Variants in DNM3 observed in about 807,000 individuals in gnomAD.
The protein encoded by DNM3 is dynamin-3.
In DNM3, 47 loss-of-function variants were observed where a neutral mutation model predicts 101.6. The ratio of observed to expected loss-of-function variants is 0.46; its 90% CI spans 0.37 to 0.59. DNM3 has a LOEUF of 0.59. DNM3 is among the 20% of genes least tolerant of loss of function. The pLI, the probability that DNM3 is intolerant of heterozygous loss-of-function variation, is 0.00. For missense variants in DNM3, 849 were observed against 1,085.7 expected (o/e 0.78, Z 3.06); for synonymous variants, 385 against 387.9 (o/e 0.99, Z 0.09).
chr1:172,384,969 GAAATATTCCT>G (rs1383278213), intron 18 of DNM3, among the ~76,000 whole-genome samples: 6 of 152,202 alleles, frequency 3.9e-5, no homozygotes, highest in Non-Finnish European at 7.3e-5. Context: ...GGAAGGGAAT[GAAATATTCCT>G]AAAGCCAAAT....
At chr1:172,272,076 A>G (rs2063109665) in intron 15 of DNM3, among the ~76,000 whole-genome samples, 1 of 152,232 alleles carries the variant, frequency 6.6e-6, no homozygotes, top group South Asian at 2.1e-4. Context: ...AAGTTTTAGT[A>G]ACGATAGATT....
chr1:171,886,649 G>T (rs990755470), intron 1 of DNM3, among the ~76,000 whole-genome samples: 1 of 152,150 alleles, frequency 6.6e-6, no homozygotes, highest in Non-Finnish European at 1.5e-5. Context: ...ATAGAAGAGT[G>T]AGAATCAAAG....
intron 13 of DNM3, among the ~76,000 whole-genome samples, chr1:172,094,657 G>A (rs925118908): frequency 6.6e-6 from 1 of 152,180 alleles, no homozygotes; most frequent in Non-Finnish European, 1.5e-5. Context: ...TACCAGATAT[G>A]TGCCCTGTAA....
At chr1:172,133,520 C>G in intron 14 of DNM3, 1 of 794,428 alleles carries the variant, frequency 1.3e-6, no homozygotes, top group Non-Finnish European at 1.5e-6. Flanking sequence ...TGAAGAAATT[C>G]TAGGAAAGGG....
intron 15 of DNM3, among the ~76,000 whole-genome samples, chr1:172,291,085 A>G (rs534157750): frequency 2.0e-5 from 3 of 152,322 alleles, no homozygotes; most frequent in East Asian, 3.9e-4. Flanking sequence ...AAAGCGCTGT[A>G]TCTATAGAGT....
At chr1:171,997,453 G>A (rs1320338534) in intron 4 of DNM3, among the ~76,000 whole-genome samples, 1 of 152,128 alleles carries the variant, frequency 6.6e-6, no homozygotes, top group Non-Finnish European at 1.5e-5. Flanking sequence ...GCTGCTCATG[G>A]ATTTAGAGTA....
chr1:172,000,287 A>G (rs910141911), intron 4 of DNM3, among the ~76,000 whole-genome samples: 5 of 152,098 alleles, frequency 3.3e-5, no homozygotes, highest in African/African-American at 1.2e-4. Flanking sequence ...GGCCATGCCA[A>G]ATGTGGCTGA....
At chr1:172,242,208 G>A (rs372467717) in intron 14 of DNM3, among the ~76,000 whole-genome samples, 1 of 152,176 alleles carries the variant, frequency 6.6e-6, no homozygotes, top group African/African-American at 2.4e-5. Context: ...CCATCTGGCT[G>A]CTGGCGTTCT....
chr1:171,969,119 G>A (rs2125537761), intron 2 of DNM3, among the ~76,000 whole-genome samples: 1 of 152,284 alleles, frequency 6.6e-6, no homozygotes, highest in East Asian at 1.9e-4. Context: ...TGTGGGGAGA[G>A]AAAGGAGGTG....
intron 14 of DNM3, among the ~76,000 whole-genome samples, chr1:172,164,915 A>T (rs1256242829): frequency 2.0e-5 from 3 of 152,118 alleles, no homozygotes; most frequent in African/African-American, 7.2e-5. Flanking sequence ...TCTTCTAGTC[A>T]TTTGTTTCAA....
intron 1 of DNM3, among the ~76,000 whole-genome samples, chr1:171,874,232 T>C (rs1379283218): frequency 6.6e-6 from 1 of 152,180 alleles, no homozygotes; most frequent in Non-Finnish European, 1.5e-5. Flanking sequence ...TATGCATATA[T>C]GTATATGCAT....
At chr1:172,291,449 G>A (rs1378678900) in intron 15 of DNM3, among the ~76,000 whole-genome samples, 1 of 152,168 alleles carries the variant, frequency 6.6e-6, no homozygotes, top group East Asian at 1.9e-4. Flanking sequence ...TGAAGGTTTG[G>A]CCTTCCATTA....
In DNM3 at chr1:172,387,057, C is replaced by T. The variant is rs2069224799; in HGVS notation, c.2059-76C>T. On this transcript the variant is annotated intron_variant, in intron 18 of 20. Coordinates refer to ENST00000627582, the MANE Select transcript of DNM3 (RefSeq NM_015569.5). Reference sequence around the variant, plus strand: ...TTGGTGGACTTTGTCCAGACTCTGACTGCCACAGCCATGTTTCTACCTCCA... The same window carrying T: ...TTGGTGGACTTTGTCCAGACTCTGATTGCCACAGCCATGTTTCTACCTCCA... 8 of 1,264,028 alleles carry T rather than the reference C, an allele frequency of 6.3e-6. No individual in the cohort carries two copies. In the Admixed American group the frequency reaches 1.3e-4, roughly 20 times the overall value. 78.3% of individuals were successfully genotyped at this position (1,264,028 alleles called of 1,614,324 possible).
intron 17 of DNM3, among the ~76,000 whole-genome samples, chr1:172,357,725 G>A (rs1245594036): frequency 6.6e-6 from 1 of 151,922 alleles, no homozygotes; most frequent in African/African-American, 2.4e-5. Context: ...GAAGAATCTG[G>A]GTGAAGGATG....
chr1:172,353,363 A>C (rs1050900284), intron 17 of DNM3, among the ~76,000 whole-genome samples: 5 of 152,172 alleles, frequency 3.3e-5, no homozygotes, highest in African/African-American at 1.2e-4. Context: ...TCTCACTAAT[A>C]ATGAAATTAA....
At chr1:171,961,864 G>T (rs1302286742) in intron 2 of DNM3, among the ~76,000 whole-genome samples, 1 of 152,104 alleles carries the variant, frequency 6.6e-6, no homozygotes, top group Non-Finnish European at 1.5e-5. Flanking sequence ...ACAGTACCTT[G>T]GTTCATTATC....
chr1:172,411,027 T>A lies in DNM3; in HGVS notation c.*3186T>A. ...TGTCCATTTGAGTAGGTAGGTAGGT[T>A]TTAAAAATACTAGTTAAAATGCCAC... is the stretch of plus-strand genomic sequence containing the variant. On this transcript the variant is annotated 3_prime_UTR_variant, in exon 21 of 21. Coordinates refer to ENST00000627582, the MANE Select transcript of DNM3 (RefSeq NM_015569.5). The A allele has an allele frequency of 1.0e-6, 1 of 985,240 alleles. No individual in the cohort carries two copies. The highest frequency in any genetic ancestry group is 1.2e-6 in the Non-Finnish European group (1 of 829,806). The allele number at this position is 985,240 out of a possible 1,614,324, so 61.0% of individuals were successfully genotyped here. A position where few individuals can be genotyped will look rare whatever the true frequency, so the allele number is the denominator to read the frequency against.
intron 18 of DNM3, among the ~76,000 whole-genome samples, chr1:172,382,662 T>A (rs542336327): frequency 1.3e-5 from 2 of 152,176 alleles, no homozygotes; most frequent in Non-Finnish European, 2.9e-5. Context: ...AGAGGACTCC[T>A]ACCCCCACAG....
chr1:172,230,926 C>G (rs901421539), intron 14 of DNM3, among the ~76,000 whole-genome samples: 10 of 151,952 alleles, frequency 6.6e-5, no homozygotes, highest in African/African-American at 2.2e-4. Context: ...TTTGCCCTTC[C>G]TCTCTCTTAC....
Sources: allele counts gnomAD v4.1 joint callset (sites outside exome capture counted in the v4.1 genomes callset), GRCh38; gene constraint gnomAD v4.1.1; transcripts MANE v1.5; gene names NCBI Gene and HGNC (gene_info 2026-07-23, HGNC 2026-07-21).